SPATA6L: variants seen among roughly 807,000 people sequenced by gnomAD.
SPATA6L encodes the protein spermatogenesis associated 6 like.
SPATA6L carries 68 observed loss-of-function variants against 49.2 expected under a neutral mutation model. That is an observed-to-expected ratio of 1.38 (90% confidence interval 1.14 to 1.69). The LOEUF (loss-of-function observed/expected upper bound fraction) is 1.69. Ranked by LOEUF, SPATA6L falls within the 40% of genes most tolerant of loss-of-function variation. The probability of loss-of-function intolerance (pLI) is 0.00; values close to 1 mark genes in which losing one functional copy is unlikely to be tolerated. For missense variants in SPATA6L, 668 were observed against 464.3 expected (o/e 1.44, Z -4.03); for synonymous variants, 198 against 165.7 (o/e 1.19, Z -1.50).
chr9:4,652,785 G>A (rs1361869767), intron 3 of SPATA6L, among the ~76,000 whole-genome samples: 1 of 147,822 alleles, frequency 6.8e-6, no homozygotes, highest in African/African-American at 2.5e-5. Context: ...AGGGTGCAGT[G>A]AGCAGAGATC....
At position 4,652,446 on chromosome 9, in the gene SPATA6L, G is replaced by A. The variant is rs73393897; in HGVS notation, c.226+3595C>T. ...GATCTCTATAAACTTGAACAAACCT[G>A]AGAATGAAATTTTTAAAAATTCCAC... On this transcript the variant is annotated intron_variant, in intron 3 of 11. Transcript: ENST00000682582. 5.1e-3 allele frequency among the ~76,000 whole-genome samples: 776 copies of A among 152,192 alleles called. 4 individuals are homozygous for A. Among genetic ancestry groups the A allele is most frequent in the African/African-American group, 0.018 (748 of 41,522 alleles).
intron 2 of SPATA6L, among the ~76,000 whole-genome samples, chr9:4,659,697 C>A (rs56689976): frequency 0.021 from 3,265 of 152,152 alleles, 105 homozygotes; most frequent in African/African-American, 0.074. Flanking sequence ...TCATATGGAA[C>A]CAAAAAAGAG....
intron 3 of SPATA6L, among the ~76,000 whole-genome samples, chr9:4,643,487 A>G (rs1834517844): frequency 1.3e-5 from 2 of 152,148 alleles, no homozygotes; most frequent in African/African-American, 2.4e-5. Flanking sequence ...AGAGAGAAAT[A>G]TTTTTATAAA....
chr9:4,620,362 G>A (rs191449310), intron 7 of SPATA6L, among the ~76,000 whole-genome samples: 2 of 152,044 alleles, frequency 1.3e-5, no homozygotes, highest in South Asian at 2.1e-4. Flanking sequence ...CCTTTCACAC[G>A]GGGGCCTGCC....
At chr9:4,622,607 T>G in intron 6 of SPATA6L, 97 bp from the exon 7 acceptor site, 1 of 815,286 alleles carries the variant, frequency 1.2e-6, no homozygotes, top group Non-Finnish European at 2.0e-6. Flanking sequence ...AATCACTGAT[T>G]ACACGGGTTG....
chr9:4,613,921 G>C (rs901843437), intron 9 of SPATA6L, among the ~76,000 whole-genome samples: 5 of 151,978 alleles, frequency 3.3e-5, no homozygotes, highest in African/African-American at 1.2e-4. Context: ...ATAGAAATAT[G>C]TTGAAGCTAT....
At chr9:4,596,917 G>C (rs1161723674), downstream of SPATA6L, among the ~76,000 whole-genome samples, 1 of 152,024 alleles carries the variant, frequency 6.6e-6, no homozygotes, top group Non-Finnish European at 1.5e-5. Context: ...AAGAAATAGG[G>C]GGAGCAATGC....
chr9:4,645,216 G>C (rs1587383686), intron 3 of SPATA6L, among the ~76,000 whole-genome samples: 2 of 152,138 alleles, frequency 1.3e-5, no homozygotes, highest in African/African-American at 4.8e-5. Flanking sequence ...CCCATTCCCA[G>C]GTATACACAC....
intron 1 of SPATA6L, among the ~76,000 whole-genome samples, chr9:4,665,479 A>G (rs1840722911): frequency 6.6e-6 from 1 of 152,214 alleles, no homozygotes; most frequent in Non-Finnish European, 1.5e-5. Flanking sequence ...AAACCACACC[A>G]TTTGCCAATT....
intron 13 of SPATA6L, among the ~76,000 whole-genome samples, chr9:4,591,489 G>A (rs978967821): frequency 6.6e-6 from 1 of 152,190 alleles, no homozygotes; most frequent in Non-Finnish European, 1.5e-5. Context: ...AAATTCACGT[G>A]ATAAAAGAAG....
intron 3 of SPATA6L, among the ~76,000 whole-genome samples, chr9:4,654,116 C>T (rs963413420): frequency 7.9e-5 from 12 of 152,188 alleles, no homozygotes; most frequent in African/African-American, 2.9e-4. Context: ...TTCACACCCA[C>T]AAAGATGACT....
chr9:4,630,153 G>A (rs148302067), intron 4 of SPATA6L, among the ~76,000 whole-genome samples: 28 of 152,154 alleles, frequency 1.8e-4, no homozygotes, highest in African/African-American at 6.5e-4. Flanking sequence ...GGGTGAGGAA[G>A]TGCCTATAAA....
intron 9 of SPATA6L, among the ~76,000 whole-genome samples, chr9:4,606,734 C>A (rs1312894255): frequency 6.9e-6 from 1 of 145,204 alleles, no homozygotes; most frequent in Non-Finnish European, 1.5e-5. Flanking sequence ...AAAAGCAGAG[C>A]GCCTCTCCTC....
downstream of SPATA6L, among the ~76,000 whole-genome samples, chr9:4,594,794 A>G (rs1822137211): frequency 1.3e-5 from 2 of 152,200 alleles, no homozygotes; most frequent in African/African-American, 4.8e-5. Context: ...TTCTTGAATA[A>G]ACAACTTGTA....
At chr9:4,624,338 G>A (rs191280515) in intron 6 of SPATA6L, among the ~76,000 whole-genome samples, 29 of 152,266 alleles carry the variant, frequency 1.9e-4, no homozygotes, top group African/African-American at 4.6e-4. Flanking sequence ...GAGAAATTGC[G>A]TCAAATTAAA....
At chr9:4,654,783 T>C (rs1012934860) in intron 3 of SPATA6L, among the ~76,000 whole-genome samples, 1 of 152,184 alleles carries the variant, frequency 6.6e-6, no homozygotes, top group Non-Finnish European at 1.5e-5. Flanking sequence ...CGCTTCTGTC[T>C]CTGCCTTGCT....
rs1477334294 is a variant in SPATA6L, at chr9:4,599,488, T to G, written c.*1323A>C. Among the ~76,000 whole-genome samples the G allele has an allele frequency of 6.6e-6, 1 of 152,154 alleles. No homozygotes were observed. The highest frequency in any genetic ancestry group is 1.5e-5 in the Non-Finnish European group (1 of 68,018). On this transcript the variant is annotated 3_prime_UTR_variant, in exon 12 of 12. Coordinates refer to ENST00000682582, the MANE Select transcript of SPATA6L (RefSeq NM_001353486.2). ...TGAATCTTCTAAAAACTGAACAAGTTTTAGGGTAGTGTCTTACTCTATTCA... is the reference window on the plus strand; with the variant it reads ...TGAATCTTCTAAAAACTGAACAAGTGTTAGGGTAGTGTCTTACTCTATTCA...
intron 7 of SPATA6L, among the ~76,000 whole-genome samples, chr9:4,622,066 C>T (rs1268563551): frequency 6.6e-6 from 1 of 152,126 alleles, no homozygotes; most frequent in East Asian, 1.9e-4. Flanking sequence ...AAACGGAAAG[C>T]CTTATTTGTT....
intron 9 of SPATA6L, among the ~76,000 whole-genome samples, chr9:4,611,964 C>A (rs574410507): frequency 6.6e-6 from 1 of 152,184 alleles, no homozygotes; most frequent in African/African-American, 2.4e-5. Flanking sequence ...CAACTTCAGC[C>A]TCCCAGGTAG....
Sources: allele counts gnomAD v4.1 joint callset (sites outside exome capture counted in the v4.1 genomes callset), GRCh38; gene constraint gnomAD v4.1.1; transcripts MANE v1.5; gene names NCBI Gene and HGNC (gene_info 2026-07-23, HGNC 2026-07-21).